RORA: variants seen among roughly 807,000 people sequenced by gnomAD.
RORA encodes the protein RAR related orphan receptor A, also known as nuclear receptor ROR-alpha.
Under a neutral mutation model 69.5 loss-of-function variants are expected in RORA, and 7 were observed. The ratio of observed to expected loss-of-function variants is 0.10; its 90% CI spans 0.06 to 0.19. The LOEUF (loss-of-function observed/expected upper bound fraction) is 0.19. Ranked by LOEUF, RORA falls within the 10% of genes least tolerant of loss-of-function variation. The probability of loss-of-function intolerance (pLI) is 1.00; values close to 1 mark genes in which losing one functional copy is unlikely to be tolerated. For synonymous variants in RORA, 261 were observed against 240.8 expected, an observed-to-expected ratio of 1.08 and a Z score of -0.78; for missense variants, 457 against 663.0, an observed-to-expected ratio of 0.69 and a Z score of 3.41.
intron 1 of RORA, among the ~76,000 whole-genome samples, chr15:61,071,129 A>G (rs2078336648): frequency 6.9e-6 from 1 of 144,950 alleles, no homozygotes; most frequent in African/African-American, 2.6e-5. Flanking sequence ...ACTAACCAAT[A>G]TTACCAATAT....
At chr15:60,540,480 G>A (rs562241685) in intron 2 of RORA, among the ~76,000 whole-genome samples, 1 of 150,068 alleles carries the variant, frequency 6.7e-6, no homozygotes, top group Admixed American at 6.7e-5. Context: ...CTTTGCAGCT[G>A]TCTTAACTTC....
intron 1 of RORA, among the ~76,000 whole-genome samples, chr15:61,003,092 C>T (rs1303309798): frequency 1.4e-5 from 2 of 147,430 alleles, no homozygotes; most frequent in African/African-American, 2.5e-5. Flanking sequence ...TGCAGTGAGC[C>T]GAGATGGTGC....
intron 2 of RORA, among the ~76,000 whole-genome samples, chr15:60,637,990 T>C (rs2069870279): frequency 6.6e-6 from 1 of 152,196 alleles, no homozygotes; most frequent in South Asian, 2.1e-4. Context: ...CTTGTGTCTA[T>C]AAAGGGTGGG....
At position 61,213,363 on chromosome 15, in the gene RORA, T is replaced by C. The variant is rs1436605216; in HGVS notation, c.166+15690A>G. On this transcript the variant is annotated intron_variant, in intron 1 of 10. Coordinates refer to ENST00000335670, the MANE Select transcript of RORA (RefSeq NM_134261.3). The surrounding 1 kb of genome is among the most constrained non-coding windows in gnomAD (Gnocchi z 4.1). ...CCTTGTCTCCCTCCCTAACTCCACA[T>C]AAGTATATTTAAGTACCTTACCAAA... Among the ~76,000 whole-genome samples the C allele has an allele frequency of 3.9e-5, 6 of 152,190 alleles. No individual in the cohort carries two copies. The highest frequency in any genetic ancestry group is 7.3e-5 in the Non-Finnish European group (5 of 68,036).
intron 1 of RORA, among the ~76,000 whole-genome samples, chr15:61,167,647 T>C (rs1451643257): frequency 6.6e-6 from 1 of 152,110 alleles, no homozygotes; most frequent in Non-Finnish European, 1.5e-5. Flanking sequence ...ATCAGGGAGC[T>C]TTCCCCACAC....
At chr15:61,121,219 C>T (rs1215245737) in intron 1 of RORA, among the ~76,000 whole-genome samples, 1 of 152,170 alleles carries the variant, frequency 6.6e-6, no homozygotes, top group Non-Finnish European at 1.5e-5. Context: ...TACTATTTTA[C>T]AGATGAGGAC....
At chr15:60,642,631 CT>C (rs2069963675) in intron 2 of RORA, among the ~76,000 whole-genome samples, 1 of 152,184 alleles carries the variant, frequency 6.6e-6, no homozygotes, top group African/African-American at 2.4e-5. Flanking sequence ...TGGTTCACAC[CT>C]GTAGTCCCAG....
chr15:60,551,863 T>A (rs2067235701), intron 2 of RORA, among the ~76,000 whole-genome samples: 1 of 152,186 alleles, frequency 6.6e-6, no homozygotes, highest in Non-Finnish European at 1.5e-5. Flanking sequence ...ATCTGTTCAT[T>A]CTCCTGCCAC....
At chr15:60,715,595 A>G (rs2071209587) in intron 1 of RORA, among the ~76,000 whole-genome samples, 1 of 152,214 alleles carries the variant, frequency 6.6e-6, no homozygotes, top group Non-Finnish European at 1.5e-5. Flanking sequence ...TGTTCTGCAC[A>G]TTGAAAAATA....
At chr15:61,067,726 T>C (rs892462196) in intron 1 of RORA, among the ~76,000 whole-genome samples, 14 of 152,208 alleles carry the variant, frequency 9.2e-5, no homozygotes, top group Admixed American at 9.2e-4. Context: ...CCTCAAAATA[T>C]ATACATATGT....
At chr15:61,003,807 A>C (rs1298821371) in intron 1 of RORA, among the ~76,000 whole-genome samples, 1 of 152,170 alleles carries the variant, frequency 6.6e-6, no homozygotes, top group Non-Finnish European at 1.5e-5. Flanking sequence ...TACAGATAAT[A>C]GCTGTGATTC....
At chr15:61,171,403 C>A (rs2079583918) in intron 1 of RORA, among the ~76,000 whole-genome samples, 3 of 152,164 alleles carry the variant, frequency 2.0e-5, no homozygotes, top group African/African-American at 7.2e-5. Flanking sequence ...GTTGGCCCCA[C>A]CCCCAGAGTT....
intron 1 of RORA, among the ~76,000 whole-genome samples, chr15:60,866,868 C>T (rs181135408): frequency 6.6e-5 from 10 of 151,858 alleles, no homozygotes; most frequent in Admixed American, 6.6e-4. Flanking sequence ...ACCTACCTAT[C>T]TACCTATCTA....
At chr15:60,660,755 A>C (rs1053457363) in intron 2 of RORA, among the ~76,000 whole-genome samples, 1 of 28,936 alleles carries the variant, frequency 3.5e-5, no homozygotes, top group Non-Finnish European at 1.1e-4. Context: ...CACTGAAAGA[A>C]AAAAAAAACT....
intron 2 of RORA, among the ~76,000 whole-genome samples, chr15:60,625,202 G>A (rs1371330520): frequency 6.6e-6 from 1 of 152,012 alleles, no homozygotes; most frequent in African/African-American, 2.4e-5. Flanking sequence ...CACAGACCGG[G>A]CTTCAGAAAA....
chr15:60,620,975 G>A (rs1443309389), intron 2 of RORA, among the ~76,000 whole-genome samples: 1 of 152,204 alleles, frequency 6.6e-6, no homozygotes, highest in East Asian at 1.9e-4. Context: ...ATGCTCACAG[G>A]CACCAGCTCT....
intron 1 of RORA, among the ~76,000 whole-genome samples, chr15:60,720,918 A>T (rs941992486): frequency 3.3e-5 from 5 of 151,694 alleles, no homozygotes; most frequent in African/African-American, 1.2e-4. Context: ...TGTAACCAAA[A>T]CCCCCAGCCA....
At chr15:60,705,188 G>T (rs558397927) in intron 1 of RORA, among the ~76,000 whole-genome samples, 1 of 152,144 alleles carries the variant, frequency 6.6e-6, no homozygotes, top group East Asian at 1.9e-4. Context: ...AACCTAGGTG[G>T]TTTTTATTGT....
intron 1 of RORA, among the ~76,000 whole-genome samples, chr15:61,018,423 C>G (rs1246988200): frequency 1.3e-5 from 2 of 152,078 alleles, no homozygotes; most frequent in African/African-American, 4.8e-5. Flanking sequence ...CAGAAACAAT[C>G]AGAAAAGTAT....
Sources: allele counts gnomAD v4.1 joint callset (sites outside exome capture counted in the v4.1 genomes callset), GRCh38; gene constraint gnomAD v4.1.1; non-coding constraint Gnocchi (gnomAD v3.1); transcripts MANE v1.5; gene names NCBI Gene and HGNC (gene_info 2026-07-23, HGNC 2026-07-21).